The following CYP2C18 variants were observed in gnomAD, a reference collection of about 807,000 sequenced individuals.
CYP2C18 encodes cytochrome P450 family 2 subfamily C member 18.
CYP2C18 carries 38 observed loss-of-function variants against 41.3 expected under a neutral mutation model. That is an observed-to-expected ratio of 0.92 (90% CI 0.71 to 1.21). CYP2C18 has a LOEUF of 1.21. Ranked by LOEUF, CYP2C18 falls within the 50% of genes most tolerant of loss-of-function variation. The pLI, the probability that CYP2C18 is intolerant of heterozygous loss-of-function variation, is 0.00. For missense variants in CYP2C18, 635 were observed against 591.4 expected (o/e 1.07, Z -0.77); for synonymous variants, 236 against 210.0 (o/e 1.12, Z -1.07).
At chr10:94,715,708 G>A (rs1847528336) in intron 5 of CYP2C18, among the ~76,000 whole-genome samples, 1 of 152,168 alleles carries the variant, frequency 6.6e-6, no homozygotes, top group Non-Finnish European at 1.5e-5. Flanking sequence ...AAATGCATTA[G>A]GGAGGATTCC....
chr10:94,726,661 GTCAAAAATTGACTGTAGCCA>G lies in CYP2C18; in HGVS notation c.1149+2145_1149+2164del, dbSNP rs1459734812. ...TGCCACAATAAACATACGAAACACAGTCAAAAATTGACTGTAGCCATCAAAAATTGACTGTAACCTCTCTG... is the reference window on the plus strand; with the variant it reads ...TGCCACAATAAACATACGAAACACAGTCAAAAATTGACTGTAACCTCTCTG... On this transcript the variant is annotated intron_variant, in intron 7 of 8. Coordinates refer to ENST00000285979, the MANE Select transcript of CYP2C18 (RefSeq NM_000772.3). 4.6e-5 allele frequency among the ~76,000 whole-genome samples: 7 copies of G among 152,060 alleles called. No individual in the cohort carries two copies. In the East Asian group the frequency reaches 1.3e-3, roughly 29 times the overall value.
At chr10:94,691,803 A>G (rs1847005365) in intron 3 of CYP2C18, among the ~76,000 whole-genome samples, 1 of 152,364 alleles carries the variant, frequency 6.6e-6, no homozygotes, top group Non-Finnish European at 1.5e-5. Context: ...CCAAAACAGC[A>G]TGGTACTGGT....
At chr10:94,703,862 G>T (rs758022092) in intron 4 of CYP2C18, among the ~76,000 whole-genome samples, 8 of 152,206 alleles carry the variant, frequency 5.3e-5, no homozygotes, top group Non-Finnish European at 1.2e-4. Flanking sequence ...GGCCCTTGTG[G>T]TGTAGGCATC....
intron 4 of CYP2C18, among the ~76,000 whole-genome samples, chr10:94,700,127 C>T (rs1340751389): frequency 6.6e-6 from 1 of 152,198 alleles, no homozygotes; most frequent in Non-Finnish European, 1.5e-5. Flanking sequence ...GAAAAAACTA[C>T]TTTAAAGTTC....
intron 7 of CYP2C18, 21 bp from the exon 8 acceptor site, chr10:94,733,272 AGTTT>A: frequency 6.2e-7 from 1 of 1,606,060 alleles, no homozygotes; most frequent in Non-Finnish European, 8.5e-7. Flanking sequence ...TTTATAACTT[AGTTT>A]GTCTGTTTTG....
At position 94,722,461 on chromosome 10, in the gene CYP2C18, A is replaced by G. The variant is rs78736757; in HGVS notation, c.962-1885A>G. 2.6e-3 allele frequency among the ~76,000 whole-genome samples: 390 copies of G among 152,288 alleles called. 2 individuals are homozygous for G. The highest frequency in any genetic ancestry group is 4.1e-3 in the Non-Finnish European group (282 of 68,018). ...ATTACTCCTGTTAAAGTTGGAGTAT[A>G]ACCATCAAGTCTTTAACAAACTTCT... On this transcript the variant is annotated intron_variant, in intron 6 of 8. Transcript: ENST00000285979.
At chr10:94,709,396 G>T (rs1847396234) in intron 5 of CYP2C18, among the ~76,000 whole-genome samples, 1 of 151,974 alleles carries the variant, frequency 6.6e-6, no homozygotes, top group Non-Finnish European at 1.5e-5. Context: ...GGTCATTTGT[G>T]TATCTCTTTG....
At chr10:94,691,549 C>A (rs1589792464) in intron 3 of CYP2C18, among the ~76,000 whole-genome samples, 1 of 152,162 alleles carries the variant, frequency 6.6e-6, no homozygotes, top group East Asian at 1.9e-4. Context: ...GAAGAACATT[C>A]CATGCTCATG....
At chr10:94,695,658 T>C (rs1346744468) in intron 4 of CYP2C18, among the ~76,000 whole-genome samples, 1 of 151,788 alleles carries the variant, frequency 6.6e-6, no homozygotes, top group Non-Finnish European at 1.5e-5. Flanking sequence ...TGCAGCACAA[T>C]GAGCATGAGC....
At chr10:94,712,154 T>G (rs570967761) in intron 5 of CYP2C18, among the ~76,000 whole-genome samples, 1 of 143,280 alleles carries the variant, frequency 7.0e-6, no homozygotes, top group Non-Finnish European at 1.5e-5. Context: ...GGCCTCTTTT[T>G]CCAATTTTTT....
intron 1 of CYP2C18, among the ~76,000 whole-genome samples, chr10:94,687,493 AC>A (rs1006949774): frequency 6.6e-6 from 1 of 152,238 alleles, no homozygotes; most frequent in African/African-American, 2.4e-5. Flanking sequence ...TCTTTAAAAT[AC>A]AATCTGTCTT....
rs187631340 is a variant in CYP2C18, at chr10:94,730,139, A to T, written c.1150-3158A>T. ...TGTTCCTCTAGTACAACTGATCATT[A>T]ATTTTCTATTTTAGCTATTTTTATA... On this transcript the variant is annotated intron_variant, in intron 7 of 8. Transcript: ENST00000285979. 3.1e-3 allele frequency among the ~76,000 whole-genome samples: 476 copies of T among 152,242 alleles called. 3 individuals are homozygous for T. Among genetic ancestry groups the T allele is most frequent in the African/African-American group, 0.011 (449 of 41,564 alleles).
intron 4 of CYP2C18, among the ~76,000 whole-genome samples, chr10:94,701,345 A>C (rs890880728): frequency 1.3e-5 from 2 of 152,118 alleles, no homozygotes; most frequent in Non-Finnish European, 2.9e-5. Flanking sequence ...TGGAAACCAT[A>C]ATTCTCAGCA....
intron 7 of CYP2C18, among the ~76,000 whole-genome samples, chr10:94,731,197 G>A (rs1252851702): frequency 6.6e-6 from 1 of 152,038 alleles, no homozygotes. Context: ...TGGCTAACAT[G>A]GTGAAACCCC....
chr10:94,735,380 C>T lies in CYP2C18; in HGVS notation c.1409C>T (p.Thr470Ile). Residue 470 changes from threonine to isoleucine, a missense_variant, in exon 9 of 9, where the codon ACC becomes ATC. Physicochemically the swap from Thr to Ile is moderately conservative, Grantham distance 89 (BLOSUM62 -1). Transcript: ENST00000285979. Reference sequence around the variant, plus strand: ...GTTGACCCAAAGGATATTGACATCACCCCCATTGCCAATGCATTTGGTCGT... The same window carrying T: ...GTTGACCCAAAGGATATTGACATCATCCCCATTGCCAATGCATTTGGTCGT... The part of the protein sequence containing the change: ...SQVDPKDIDI[T>I]PIANAFGRVP... 1 of 1,613,750 alleles carries T rather than the reference C, an allele frequency of 6.2e-7. No homozygotes were observed. The highest frequency in any genetic ancestry group is 8.5e-7 in the Non-Finnish European group (1 of 1,179,726).
intron 4 of CYP2C18, among the ~76,000 whole-genome samples, chr10:94,702,003 A>T (rs1038814014): frequency 1.3e-5 from 2 of 152,128 alleles, no homozygotes; most frequent in African/African-American, 2.4e-5. Flanking sequence ...GGTAAAAAAA[A>T]AATAAAAAAG....
chr10:94,725,959 T>C (rs1847733027), intron 7 of CYP2C18, among the ~76,000 whole-genome samples: 2 of 152,266 alleles, frequency 1.3e-5, no homozygotes, highest in Middle Eastern at 3.4e-3. Context: ...ATTGTGGTTG[T>C]TTTTATAATC....
chr10:94,693,767 G>A lies in CYP2C18; in HGVS notation c.482-1150G>A, dbSNP rs148098040. On this transcript the variant is annotated intron_variant, in intron 3 of 8. Coordinates refer to ENST00000285979, the MANE Select transcript of CYP2C18 (RefSeq NM_000772.3). ...CATTATTTAATTCCCCATCATTACC[G>A]CACAACATTTTTGTTCAAGTCACTC... Among the ~76,000 whole-genome samples the A allele has an allele frequency of 1.2e-3, 181 of 152,138 alleles. 2 individuals carry two copies. The highest frequency in any genetic ancestry group is 1.4e-3 in the African/African-American group (60 of 41,512).
chr10:94,720,279 A>G (rs1046826240), intron 5 of CYP2C18, 117 bp from the exon 6 acceptor site: 1 of 824,680 alleles, frequency 1.2e-6, no homozygotes, highest in Non-Finnish European at 1.9e-6. Context: ...TTAATACTGC[A>G]CTCTGTACAG....
Sources: gnomAD v4.1 joint callset for allele counts (sites outside exome capture counted in the v4.1 genomes callset) on GRCh38, gnomAD v4.1.1 for gene constraint, MANE v1.5 for transcripts, NCBI Gene and HGNC (gene_info 2026-07-23, HGNC 2026-07-21) for gene names.